The following TAFA2 variants were observed in gnomAD, a reference collection of about 807,000 sequenced individuals.
TAFA2 encodes the protein TAFA chemokine like family member 2.
Under a neutral mutation model 18.8 loss-of-function variants are expected in TAFA2, and 7 were observed. The observed-to-expected ratio is 0.37, with a 90% confidence interval of 0.21 to 0.70. The LOEUF (loss-of-function observed/expected upper bound fraction) is 0.70, where lower values mean the gene tolerates loss of function less well. TAFA2 is among the 30% of genes least tolerant of loss of function. TAFA2 has a pLI of 0.53. For synonymous variants in TAFA2, 60 were observed against 54.2 expected, an observed-to-expected ratio of 1.11 and a Z score of -0.47; for missense variants, 122 against 158.1, an observed-to-expected ratio of 0.77 and a Z score of 1.23.
intron 2 of TAFA2, among the ~76,000 whole-genome samples, chr12:61,809,412 T>A (rs1208881883): frequency 6.6e-6 from 1 of 151,520 alleles, no homozygotes; most frequent in Non-Finnish European, 1.5e-5. Flanking sequence ...GTTATTATTC[T>A]TGAGTTTTGA....
At chr12:61,963,931 T>TA (rs1878978258) in intron 1 of TAFA2, among the ~76,000 whole-genome samples, 2 of 152,030 alleles carry the variant, frequency 1.3e-5, no homozygotes, top group South Asian at 4.1e-4. Flanking sequence ...GCCACACATG[T>TA]ACAATCATCT....
Position 61,756,199 on chromosome 12 carries a change from T to G in TAFA2, c.107-1175A>C, listed in dbSNP as rs191837454. ...ACACATATTTCCTACCTCTTATCCT[T>G]CTGTGTGAGACCAAGAAACTCAAGT... On this transcript the variant is annotated intron_variant, in intron 2 of 4. Coordinates refer to ENST00000416284, the MANE Select transcript of TAFA2 (RefSeq NM_178539.5). Among the ~76,000 whole-genome samples, 302 of 152,194 alleles carry G rather than the reference T, an allele frequency of 2.0e-3. 1 individual carries two copies. Among genetic ancestry groups the G allele is most frequent in the Non-Finnish European group, 2.7e-3 (183 of 67,990 alleles).
At chr12:61,865,577 G>A (rs1437736368) in intron 2 of TAFA2, among the ~76,000 whole-genome samples, 1 of 152,160 alleles carries the variant, frequency 6.6e-6, no homozygotes, top group Non-Finnish European at 1.5e-5. Context: ...CTGACACGAT[G>A]TGTAATTTAT....
At chr12:61,956,580 G>T in intron 1 of TAFA2, among the ~76,000 whole-genome samples, 1 of 145,214 alleles carries the variant, frequency 6.9e-6, no homozygotes. Flanking sequence ...AACAGATGGT[G>T]TTTTTTTGGT....
chr12:62,258,833 C>A, upstream of TAFA2: 1 of 263,840 alleles, frequency 3.8e-6, no homozygotes, highest in South Asian at 2.8e-5. Flanking sequence ...TGTTCTCTTT[C>A]AGAGAGTGAC....
intron 1 of TAFA2, chr12:61,879,500 G>C (rs1565666883): frequency 1.4e-6 from 1 of 700,854 alleles, no homozygotes; most frequent in Non-Finnish European, 2.6e-6. Flanking sequence ...AGCGGTATTG[G>C]AGGGATCACT....
chr12:62,043,601 C>T (rs576004289), intron 1 of TAFA2, among the ~76,000 whole-genome samples: 18 of 152,060 alleles, frequency 1.2e-4, no homozygotes, highest in African/African-American at 3.9e-4. Context: ...TACCCTAAAA[C>T]TTAAAGTGTA....
chr12:62,095,580 T>C (rs1437286432), intron 1 of TAFA2, among the ~76,000 whole-genome samples: 1 of 152,030 alleles, frequency 6.6e-6, no homozygotes. Context: ...ACTCCGTGAG[T>C]TGATATGTCC....
intron 2 of TAFA2, among the ~76,000 whole-genome samples, chr12:61,814,689 C>A (rs752674112): frequency 1.3e-4 from 20 of 151,154 alleles, no homozygotes; most frequent in Non-Finnish European, 2.2e-4. Context: ...AGCAAAGGAT[C>A]TTGAGATGGA....
intron 1 of TAFA2, among the ~76,000 whole-genome samples, chr12:62,023,420 A>G (rs1881211772): frequency 1.3e-5 from 2 of 152,116 alleles, no homozygotes; most frequent in Non-Finnish European, 2.9e-5. Flanking sequence ...ATAATCATAT[A>G]TACATCTAGG....
chr12:62,023,011 C>A (rs1881196381), intron 1 of TAFA2, among the ~76,000 whole-genome samples: 1 of 152,060 alleles, frequency 6.6e-6, no homozygotes, highest in Admixed American at 6.6e-5. Context: ...AAAATATTTA[C>A]CTACTAAGCA....
At chr12:61,762,293 G>A (rs1869586549) in intron 2 of TAFA2, among the ~76,000 whole-genome samples, 1 of 152,076 alleles carries the variant, frequency 6.6e-6, no homozygotes. Flanking sequence ...GAGGAATGCA[G>A]TAAGTGTATC....
intron 1 of TAFA2, among the ~76,000 whole-genome samples, chr12:62,250,741 G>A (rs1331507385): frequency 6.6e-6 from 1 of 152,106 alleles, no homozygotes; most frequent in African/African-American, 2.4e-5. Flanking sequence ...GTATATTAGA[G>A]AAATTTTCAG....
intron 1 of TAFA2, among the ~76,000 whole-genome samples, chr12:61,975,514 C>CGCGTGTGTGTGTGTGTGT (rs1555180431): frequency 7.3e-6 from 1 of 136,560 alleles, no homozygotes; most frequent in African/African-American, 2.8e-5. Context: ...CAATAATATT[C>CGCGTGTGTGTGTGTGTGT]GTGTGTGTGT....
At chr12:62,241,901 A>G (rs11174392) in intron 1 of TAFA2, among the ~76,000 whole-genome samples, 2,034 of 152,312 alleles carry the variant, frequency 0.013, 49 homozygotes, top group African/African-American at 0.047. Flanking sequence ...CCTGTGCTAC[A>G]TGCTTTAAGT....
intron 1 of TAFA2, among the ~76,000 whole-genome samples, chr12:62,199,188 T>C (rs2062661171): frequency 6.6e-6 from 1 of 152,170 alleles, no homozygotes; most frequent in African/African-American, 2.4e-5. Context: ...CACATGCCTT[T>C]TTATTTTATT....
At chr12:62,114,042 A>C (rs1231216361) in intron 1 of TAFA2, among the ~76,000 whole-genome samples, 1 of 152,150 alleles carries the variant, frequency 6.6e-6, no homozygotes, top group Non-Finnish European at 1.5e-5. Flanking sequence ...AGGGTGTGAA[A>C]AAAAACCTCC....
intron 1 of TAFA2, among the ~76,000 whole-genome samples, chr12:62,030,058 T>C (rs9738342): frequency 2.4e-4 from 37 of 152,270 alleles, no homozygotes; most frequent in Non-Finnish European, 4.9e-4. Flanking sequence ...TTCCATGAAG[T>C]CACCCAAGTG....
chr12:62,151,334 C>T (rs1565761738), intron 1 of TAFA2, among the ~76,000 whole-genome samples: 1 of 152,210 alleles, frequency 6.6e-6, no homozygotes, highest in Admixed American at 6.5e-5. Flanking sequence ...TCCATGAAGG[C>T]ATTCCTCTTG....
Sources: gnomAD v4.1 joint callset for allele counts (sites outside exome capture counted in the v4.1 genomes callset) on GRCh38, gnomAD v4.1.1 for gene constraint, MANE v1.5 for transcripts, NCBI Gene and HGNC (gene_info 2026-07-23, HGNC 2026-07-21) for gene names.